The following ALG9 variants were observed in gnomAD, a reference collection of about 807,000 sequenced individuals.
ALG9 encodes alpha-1,2-mannosyltransferase ALG9.
In ALG9, 55 loss-of-function variants were observed where a neutral mutation model predicts 81.8. The ratio of observed to expected loss-of-function variants is 0.67; its 90% CI spans 0.54 to 0.84. The LOEUF is 0.84. ALG9 is among the 40% of genes least tolerant of loss of function. The pLI is 0.00. For missense variants in ALG9, 629 were observed against 745.0 expected (o/e 0.84, Z 1.81); for synonymous variants, 278 against 274.3 (o/e 1.01, Z -0.13).
chr11:111,867,121 C>A (rs1009511359), intron 3 of ALG9, among the ~76,000 whole-genome samples: 13 of 151,960 alleles, frequency 8.6e-5, no homozygotes, highest in South Asian at 4.1e-4. Context: ...AACAAACAAA[C>A]AAAAAAATGG....
chr11:111,778,581 T>A (rs1042754616), downstream of ALG9, among the ~76,000 whole-genome samples: 1 of 152,032 alleles, frequency 6.6e-6, no homozygotes, highest in African/African-American at 2.4e-5. Context: ...TAACCAGGAG[T>A]CACAATTAGA....
chr11:111,833,962 C>T (rs1441583077), intron 13 of ALG9, among the ~76,000 whole-genome samples: 1 of 152,220 alleles, frequency 6.6e-6, no homozygotes, highest in Non-Finnish European at 1.5e-5. Flanking sequence ...ATCATTACCA[C>T]AATGACGATG....
At chr11:111,795,204 A>G (rs1382398762) in intron 14 of ALG9, among the ~76,000 whole-genome samples, 1 of 152,208 alleles carries the variant, frequency 6.6e-6, no homozygotes, top group Non-Finnish European at 1.5e-5. Context: ...ATGAGCGCCT[A>G]TGCTCTGACT....
At chr11:111,800,735 G>T (rs1948999107) in intron 14 of ALG9, among the ~76,000 whole-genome samples, 2 of 152,056 alleles carry the variant, frequency 1.3e-5, no homozygotes, top group South Asian at 2.1e-4. Context: ...CCTCACCATT[G>T]TATCGTAAGG....
At chr11:111,821,425 GTC>G (rs1952352000) in intron 13 of ALG9, among the ~76,000 whole-genome samples, 1 of 152,124 alleles carries the variant, frequency 6.6e-6, no homozygotes. Flanking sequence ...CATTTCTCAT[GTC>G]TCTCTACCAT....
At chr11:111,779,766 G>GA (rs1164346577), downstream of ALG9, among the ~76,000 whole-genome samples, 1 of 151,632 alleles carries the variant, frequency 6.6e-6, no homozygotes, top group Non-Finnish European at 1.5e-5. Flanking sequence ...AGAATTCACT[G>GA]AAAAAAAGGG....
At chr11:111,835,659 T>A (rs1955115633) in intron 13 of ALG9, among the ~76,000 whole-genome samples, 1 of 152,204 alleles carries the variant, frequency 6.6e-6, no homozygotes, top group Non-Finnish European at 1.5e-5. Flanking sequence ...AAATTATACA[T>A]TTTACATAGA....
intron 10 of ALG9, among the ~76,000 whole-genome samples, chr11:111,839,214 A>G (rs1052978453): frequency 6.6e-6 from 1 of 152,200 alleles, no homozygotes; most frequent in Non-Finnish European, 1.5e-5. Flanking sequence ...TAATAATGCT[A>G]TATATTATAT....
Position 111,870,290 on chromosome 11 carries a change from C to A in ALG9, c.212G>T (p.Cys71Phe). The change falls in exon 2 of 15, where the codon TGT becomes TTT. Residue 71 changes from cysteine (C) to phenylalanine (F), a missense_variant. Cys to Phe is a radical substitution (Grantham distance 205). This residue lies in a region of ALG9 where 344 missense variants were observed against 390.5 expected (regional missense o/e 0.88). Coordinates refer to ENST00000616540, the MANE Select transcript of ALG9 (RefSeq NM_024740.2). ...AFKCLLSARL[C>F]AALLSNISDC... ...AGAGATGTTGCTCAGGAGAGCAGCACATAACCTTGCTGAAAGCAGACACTT... is the reference window on the plus strand; with the variant it reads ...AGAGATGTTGCTCAGGAGAGCAGCAAATAACCTTGCTGAAAGCAGACACTT... The A allele has an allele frequency of 6.2e-7, 1 of 1,602,284 alleles. No homozygotes were observed. Among genetic ancestry groups the A allele is most frequent in the South Asian group, 1.1e-5 (1 of 90,682 alleles).
At chr11:111,851,228 C>T (rs563103318) in intron 8 of ALG9, among the ~76,000 whole-genome samples, 56 of 152,134 alleles carry the variant, frequency 3.7e-4, no homozygotes, top group Non-Finnish European at 7.9e-4. Flanking sequence ...CTTGTAATCC[C>T]AGCACTTTGG....
intron 1 of ALG9, 93 bp from the exon 2 acceptor site, chr11:111,870,463 G>T (rs1358687907): frequency 2.8e-6 from 4 of 1,424,324 alleles, no homozygotes; most frequent in Non-Finnish European, 3.7e-6. Flanking sequence ...AGGACAAAAA[G>T]GGCAAGGGAC....
chr11:111,811,882 G>C (rs936309910), intron 13 of ALG9, among the ~76,000 whole-genome samples: 1 of 152,098 alleles, frequency 6.6e-6, no homozygotes, highest in Admixed American at 6.5e-5. Context: ...TTTTTTTGGG[G>C]GGGAGGCATA....
At chr11:111,797,900 A>T (rs1395139718) in intron 14 of ALG9, among the ~76,000 whole-genome samples, 6 of 152,198 alleles carry the variant, frequency 3.9e-5, no homozygotes, top group Non-Finnish European at 7.3e-5. Context: ...ATATGATATC[A>T]GCACAGTCCC....
chr11:111,778,703 T>C (rs1945760543), downstream of ALG9, among the ~76,000 whole-genome samples: 1 of 152,004 alleles, frequency 6.6e-6, no homozygotes, highest in Non-Finnish European at 1.5e-5. Flanking sequence ...ACCTGTTAGC[T>C]AGATCACCTG....
At chr11:111,795,303 T>G (rs1948088126) in intron 14 of ALG9, among the ~76,000 whole-genome samples, 2 of 152,002 alleles carry the variant, frequency 1.3e-5, no homozygotes, top group African/African-American at 4.8e-5. Context: ...TAATCTAAAG[T>G]TTTTTTTCTG....
chr11:111,776,458 C>T, the ALG9 span, among the ~76,000 whole-genome samples: 2 of 151,988 alleles, frequency 1.3e-5, no homozygotes, highest in Non-Finnish European at 2.9e-5. Context: ...GGCGTGGTGG[C>T]GTACCTGTAA....
At chr11:111,860,759 C>A in intron 4 of ALG9, 124 bp from the exon 5 acceptor site, 1 of 723,298 alleles carries the variant, frequency 1.4e-6, no homozygotes, top group African/African-American at 1.8e-5. Context: ...ACTACCTTGT[C>A]AGGTTTGTTA....
chr11:111,774,410 G>A, the ALG9 span, among the ~76,000 whole-genome samples: 2 of 152,176 alleles, frequency 1.3e-5, no homozygotes, highest in East Asian at 1.9e-4. Context: ...AAAAGGCAAG[G>A]GCCAGAATAG....
intron 13 of ALG9, among the ~76,000 whole-genome samples, chr11:111,822,403 A>C (rs1555104838): frequency 2.5e-5 from 2 of 81,294 alleles, no homozygotes; most frequent in East Asian, 4.2e-4. Context: ...AGCACAACTC[A>C]GTCTCAAAAA....
Sources: allele counts gnomAD v4.1 joint callset (sites outside exome capture counted in the v4.1 genomes callset), GRCh38; gene constraint gnomAD v4.1.1; regional missense constraint gnomAD v4.1.1; transcripts MANE v1.5; gene names NCBI Gene and HGNC (gene_info 2026-07-23, HGNC 2026-07-21).